Variants in SORCS3 observed in about 807,000 individuals in gnomAD.
SORCS3 encodes the protein sortilin related VPS10 domain containing receptor 3, also known as VPS10 domain-containing receptor SorCS3.
Under a neutral mutation model 146.3 loss-of-function variants are expected in SORCS3, and 57 were observed. That is an observed-to-expected ratio of 0.39 (90% CI 0.31 to 0.49). The LOEUF (loss-of-function observed/expected upper bound fraction) is 0.49. Among genes scored for constraint, SORCS3 ranks in the 20% least tolerant of loss-of-function variants. The probability of loss-of-function intolerance (pLI) is 0.92; values close to 1 mark genes in which losing one functional copy is unlikely to be tolerated. For missense variants in SORCS3, 1,341 were observed against 1,575.5 expected (o/e 0.85, Z 2.52); for synonymous variants, 653 against 618.5 (o/e 1.06, Z -0.83).
chr10:104,826,143 A>G (rs927093322), intron 1 of SORCS3, among the ~76,000 whole-genome samples: 2 of 152,114 alleles, frequency 1.3e-5, no homozygotes, highest in East Asian at 1.9e-4. Context: ...TATCTAGGCA[A>G]TGGGGATAAT....
chr10:104,849,204 G>T (rs1177727363), intron 2 of SORCS3, among the ~76,000 whole-genome samples: 1 of 151,906 alleles, frequency 6.6e-6, no homozygotes, highest in African/African-American at 2.4e-5. Flanking sequence ...TGAGGTCAGG[G>T]GTTCACGACC....
intron 17 of SORCS3, among the ~76,000 whole-genome samples, chr10:105,212,423 A>G (rs1031619943): frequency 6.6e-6 from 1 of 152,204 alleles, no homozygotes; most frequent in Non-Finnish European, 1.5e-5. Flanking sequence ...AGGGAGTATT[A>G]TGCGCACAAG....
chr10:104,666,681 C>T (rs1356751290), intron 1 of SORCS3, among the ~76,000 whole-genome samples: 1 of 152,160 alleles, frequency 6.6e-6, no homozygotes, highest in African/African-American at 2.4e-5. Flanking sequence ...TCATAGCTCA[C>T]TGTAACCTCA....
intron 13 of SORCS3, among the ~76,000 whole-genome samples, chr10:105,175,653 C>G (rs961585726): frequency 7.9e-5 from 12 of 152,144 alleles, no homozygotes; most frequent in South Asian, 2.1e-4. Context: ...AATGAGAAAC[C>G]TGTTTCTTTG....
At chr10:105,227,657 T>C (rs1435210654) in intron 20 of SORCS3, among the ~76,000 whole-genome samples, 1 of 152,162 alleles carries the variant, frequency 6.6e-6, no homozygotes, top group African/African-American at 2.4e-5. Flanking sequence ...TTCCCAACTA[T>C]AATTGTGTTG....
chr10:105,262,636 C>A lies in SORCS3; in HGVS notation c.3604+145C>A. On this transcript the variant is annotated intron_variant, in intron 26 of 26. Coordinates refer to ENST00000369701, the MANE Select transcript of SORCS3 (RefSeq NM_014978.3). ...CAGAATCATGTTTTAAATTTGTCTGCCACCTCTGGCCACAGGAAATTGGCA... is the reference window on the plus strand; with the variant it reads ...CAGAATCATGTTTTAAATTTGTCTGACACCTCTGGCCACAGGAAATTGGCA... The A allele has an allele frequency of 6.3e-6, 5 of 793,054 alleles. No individual in the cohort carries two copies. In the South Asian group the frequency reaches 8.1e-5, roughly 13 times the overall value. The allele number at this position is 793,054 out of a possible 1,614,324, so 49.1% of individuals were successfully genotyped here. A position where few individuals can be genotyped will look rare whatever the true frequency, so the allele number is the denominator to read the frequency against.
intron 4 of SORCS3, among the ~76,000 whole-genome samples, chr10:105,007,515 G>A (rs2055103719): frequency 1.3e-5 from 2 of 152,250 alleles, no homozygotes; most frequent in South Asian, 4.1e-4. Flanking sequence ...GAAAGCAGAA[G>A]TAACTTTTCC....
chr10:105,244,887 G>A (rs1036868187), intron 20 of SORCS3, among the ~76,000 whole-genome samples: 3 of 151,876 alleles, frequency 2.0e-5, no homozygotes, highest in African/African-American at 4.8e-5. Flanking sequence ...TGGGCAACAC[G>A]GTGAAACCCC....
chr10:104,861,198 C>G (rs1056286731), intron 2 of SORCS3, among the ~76,000 whole-genome samples: 1 of 152,154 alleles, frequency 6.6e-6, no homozygotes, highest in African/African-American at 2.4e-5. Flanking sequence ...CTGTACCTGT[C>G]GTACCTGTTA....
intron 20 of SORCS3, among the ~76,000 whole-genome samples, chr10:105,228,211 T>G (rs2056745364): frequency 6.6e-6 from 1 of 152,090 alleles, no homozygotes; most frequent in Non-Finnish European, 1.5e-5. Flanking sequence ...ATAGTGGTTT[T>G]GTTTTGTTCT....
intron 1 of SORCS3, among the ~76,000 whole-genome samples, chr10:104,758,936 G>A (rs959884544): frequency 1.3e-5 from 2 of 152,134 alleles, no homozygotes; most frequent in South Asian, 4.1e-4. Flanking sequence ...GTCTTGTATG[G>A]CTTGAATTGT....
intron 1 of SORCS3, among the ~76,000 whole-genome samples, chr10:104,786,952 T>C (rs1319908150): frequency 6.6e-6 from 1 of 152,158 alleles, no homozygotes; most frequent in Non-Finnish European, 1.5e-5. Context: ...CTATGGAAAT[T>C]CCACCTGCCC....
At chr10:105,062,835 T>C (rs573729374) in intron 5 of SORCS3, among the ~76,000 whole-genome samples, 1 of 152,304 alleles carries the variant, frequency 6.6e-6, no homozygotes, top group South Asian at 2.1e-4. Flanking sequence ...GTGAGGCACT[T>C]TCATCTAGCC....
intron 7 of SORCS3, among the ~76,000 whole-genome samples, chr10:105,131,504 T>C (rs1220535284): frequency 6.6e-6 from 1 of 152,186 alleles, no homozygotes; most frequent in Non-Finnish European, 1.5e-5. Flanking sequence ...AGCACTTCTG[T>C]GCGACAATGT....
intron 9 of SORCS3, among the ~76,000 whole-genome samples, chr10:105,150,506 T>C (rs995178408): frequency 6.6e-6 from 1 of 152,066 alleles, no homozygotes; most frequent in Non-Finnish European, 1.5e-5. Context: ...CCTTTTGCCC[T>C]GGGGAGGAAA....
intron 6 of SORCS3, among the ~76,000 whole-genome samples, chr10:105,096,846 A>T (rs929901266): frequency 4.6e-5 from 7 of 152,172 alleles, no homozygotes; most frequent in Non-Finnish European, 1.0e-4. Context: ...GGTTTCAAAT[A>T]TTTATTATAC....
chr10:104,861,596 C>A (rs796470379), intron 2 of SORCS3, among the ~76,000 whole-genome samples: 11 of 152,290 alleles, frequency 7.2e-5, no homozygotes, highest in African/African-American at 2.2e-4. Flanking sequence ...CACACACCTC[C>A]CCCGAGCCTA....
At chr10:104,672,106 G>T (rs1423132026) in intron 1 of SORCS3, among the ~76,000 whole-genome samples, 1 of 152,062 alleles carries the variant, frequency 6.6e-6, no homozygotes, top group East Asian at 1.9e-4. Context: ...CAGGTCCAGG[G>T]TTTTTATTTT....
At chr10:105,224,685 C>A (rs2056723752) in intron 20 of SORCS3, among the ~76,000 whole-genome samples, 1 of 152,092 alleles carries the variant, frequency 6.6e-6, no homozygotes, top group African/African-American at 2.4e-5. Flanking sequence ...ACTGGTTGGA[C>A]CATTTTGGAT....
Sources: allele counts gnomAD v4.1 joint callset (sites outside exome capture counted in the v4.1 genomes callset), GRCh38; gene constraint gnomAD v4.1.1; transcripts MANE v1.5; gene names NCBI Gene and HGNC (gene_info 2026-07-23, HGNC 2026-07-21).